Variants in MYO16 observed in about 807,000 individuals in gnomAD.
MYO16 encodes the protein unconventional myosin-XVI.
In MYO16, 94 loss-of-function variants were observed where a neutral mutation model predicts 205.3. The ratio of observed to expected loss-of-function variants is 0.46; its 90% CI spans 0.39 to 0.54. The LOEUF (loss-of-function observed/expected upper bound fraction) is 0.54. Among genes scored for constraint, MYO16 ranks in the 20% least tolerant of loss-of-function variants. MYO16 has a pLI of 0.00. For synonymous variants in MYO16, 988 were observed against 954.0 expected, an observed-to-expected ratio of 1.04 and a Z score of -0.66; for missense variants, 2,315 against 2,387.5, an observed-to-expected ratio of 0.97 and a Z score of 0.63.
At chr13:108,774,366 A>G (rs1566319880) in intron 4 of MYO16, among the ~76,000 whole-genome samples, 1 of 152,232 alleles carries the variant, frequency 6.6e-6, no homozygotes, top group Non-Finnish European at 1.5e-5. Context: ...CTCCAGAAAC[A>G]TAGTTTAGGA....
At chr13:108,648,176 G>T (rs1436567049) in intron 1 of MYO16, among the ~76,000 whole-genome samples, 3 of 152,158 alleles carry the variant, frequency 2.0e-5, no homozygotes, top group Non-Finnish European at 2.9e-5. Flanking sequence ...GGCTCAATGG[G>T]CCATAATGGG....
chr13:108,516,538 G>A, the MYO16 span, among the ~76,000 whole-genome samples: 1 of 152,178 alleles, frequency 6.6e-6, no homozygotes, highest in Admixed American at 6.5e-5. Flanking sequence ...TTAGTCTTTT[G>A]ATTGAGAACT....
intron 6 of MYO16, among the ~76,000 whole-genome samples, chr13:108,798,180 T>C (rs1886848176): frequency 6.6e-6 from 1 of 151,988 alleles, no homozygotes; most frequent in Non-Finnish European, 1.5e-5. Flanking sequence ...TTGTGTTTTC[T>C]GTTCTGTAAG....
At chr13:108,771,683 C>T (rs938075989) in intron 4 of MYO16, among the ~76,000 whole-genome samples, 3 of 152,158 alleles carry the variant, frequency 2.0e-5, no homozygotes, top group African/African-American at 7.2e-5. Context: ...AATTACCAAG[C>T]GATCTTTCTG....
intron 6 of MYO16, among the ~76,000 whole-genome samples, chr13:108,805,234 A>G (rs1004578582): frequency 4.6e-5 from 7 of 152,190 alleles, no homozygotes; most frequent in Non-Finnish European, 7.3e-5. Context: ...TTCCTAGAAT[A>G]TTAATAAGAT....
chr13:108,897,997 A>G lies in MYO16; in HGVS notation c.1660-19A>G. 6.4e-7 allele frequency: 1 copy of G among 1,556,004 alleles called. No homozygotes were observed. Among genetic ancestry groups the G allele is most frequent in the Non-Finnish European group, 8.9e-7 (1 of 1,127,280 alleles). On this transcript the variant is annotated intron_variant, in intron 14 of 34. Transcript: ENST00000457511. The stretch of plus-strand genomic sequence containing the variant: ...CTTAAAATATGAGCAGTTCAGTAAA[A>G]TGTTCTCCTCTCCCACAGGTCGTGT...
chr13:108,648,812 G>A (rs1255776946), intron 1 of MYO16, among the ~76,000 whole-genome samples: 1 of 151,984 alleles, frequency 6.6e-6, no homozygotes, highest in African/African-American at 2.4e-5. Flanking sequence ...TTTGGAAAAT[G>A]GCCCTTATAC....
chr13:108,641,694 C>G (rs983105164), intron 1 of MYO16, among the ~76,000 whole-genome samples: 2 of 152,202 alleles, frequency 1.3e-5, no homozygotes, highest in Admixed American at 1.3e-4. Flanking sequence ...GAGATTGAAC[C>G]CCTTCCACAC....
intron 11 of MYO16, among the ~76,000 whole-genome samples, chr13:108,863,213 A>G (rs74623005): frequency 1.5e-3 from 221 of 152,110 alleles, no homozygotes; most frequent in African/African-American, 5.2e-3. Flanking sequence ...TTACTTCATG[A>G]GATAGAACTT....
chr13:108,923,774 CTTGT>C (rs1881853559), intron 16 of MYO16, among the ~76,000 whole-genome samples: 1 of 152,206 alleles, frequency 6.6e-6, no homozygotes, highest in Non-Finnish European at 1.5e-5. Flanking sequence ...CTGTCTTTGG[CTTGT>C]TTGTGTGATT....
At chr13:108,552,948 G>A in the MYO16 span, among the ~76,000 whole-genome samples, 62 of 151,488 alleles carry the variant, frequency 4.1e-4, no homozygotes, top group African/African-American at 1.4e-3. Context: ...TTATGAGGGT[G>A]GAGCCCTCGG....
At chr13:108,752,389 A>T (rs894404751) in intron 4 of MYO16, among the ~76,000 whole-genome samples, 2 of 152,112 alleles carry the variant, frequency 1.3e-5, no homozygotes, top group African/African-American at 4.8e-5. Context: ...TCTATTTGTT[A>T]GTAAGGGGCA....
intron 33 of MYO16, among the ~76,000 whole-genome samples, chr13:109,174,768 T>C (rs188479472): frequency 6.8e-6 from 1 of 147,408 alleles, no homozygotes; most frequent in Non-Finnish European, 1.5e-5. Context: ...TTTTTTTTTT[T>C]TGAGATGGAG....
At chr13:108,745,987 A>T (rs1355996375) in intron 4 of MYO16, among the ~76,000 whole-genome samples, 3 of 152,000 alleles carry the variant, frequency 2.0e-5, no homozygotes, top group African/African-American at 7.2e-5. Flanking sequence ...GGAGAACGAG[A>T]CCATCCTGGC....
the MYO16 span, among the ~76,000 whole-genome samples, chr13:108,580,682 G>A: frequency 2.6e-5 from 4 of 152,270 alleles, no homozygotes. Context: ...TGCACTCTTG[G>A]TAAGCTCACA....
chr13:109,007,281 G>A (rs530481378), intron 21 of MYO16, among the ~76,000 whole-genome samples: 7 of 152,098 alleles, frequency 4.6e-5, no homozygotes, highest in African/African-American at 1.2e-4. Flanking sequence ...CCAGCTACTC[G>A]GGAGGCTGAG....
At chr13:108,886,515 T>G (rs893974967) in intron 13 of MYO16, 1 of 455,600 alleles carries the variant, frequency 2.2e-6, no homozygotes, top group Non-Finnish European at 4.4e-6. Context: ...CAGAGAGGGG[T>G]CCTGAAGCAG....
the MYO16 span, among the ~76,000 whole-genome samples, chr13:108,546,013 TG>T: frequency 6.6e-6 from 1 of 152,216 alleles, no homozygotes; most frequent in Admixed American, 6.5e-5. Flanking sequence ...GCCATCATGT[TG>T]GGTCAGTGAC....
At chr13:108,593,259 G>A (rs910649246), upstream of MYO16, among the ~76,000 whole-genome samples, 10 of 152,148 alleles carry the variant, frequency 6.6e-5, no homozygotes, top group Admixed American at 3.9e-4. Flanking sequence ...GTGGGTCTTC[G>A]AAGAGGAGTT....
Sources: gnomAD v4.1 joint callset for allele counts (sites outside exome capture counted in the v4.1 genomes callset) on GRCh38, gnomAD v4.1.1 for gene constraint, MANE v1.5 for transcripts, NCBI Gene and HGNC (gene_info 2026-07-23, HGNC 2026-07-21) for gene names.